The following DLG1 variants were observed in gnomAD, a reference collection of about 807,000 sequenced individuals.
DLG1 encodes disks large homolog 1.
In DLG1, 42 loss-of-function variants were observed where a neutral mutation model predicts 123.4. That is an observed-to-expected ratio of 0.34 (90% CI 0.27 to 0.44). The LOEUF (loss-of-function observed/expected upper bound fraction) is 0.44, where lower values mean the gene tolerates loss of function less well. Among genes scored for constraint, DLG1 ranks in the 20% least tolerant of loss-of-function variants. DLG1 has a pLI of 1.00. For missense variants in DLG1, 942 were observed against 1,082.6 expected, an observed-to-expected ratio of 0.87 and a Z score of 1.82; for synonymous variants, 317 against 356.2, an observed-to-expected ratio of 0.89 and a Z score of 1.24.
At chr3:197,135,318 G>A (rs948219036) in intron 10 of DLG1, among the ~76,000 whole-genome samples, 22 of 152,216 alleles carry the variant, frequency 1.4e-4, no homozygotes, top group African/African-American at 4.8e-4. Flanking sequence ...TGTAGGAGGT[G>A]ATTAGATCAC....
intron 5 of DLG1, among the ~76,000 whole-genome samples, chr3:197,178,485 T>C (rs1388043359): frequency 6.6e-6 from 1 of 152,150 alleles, no homozygotes; most frequent in East Asian, 1.9e-4. Flanking sequence ...GAAGTGGAGA[T>C]ACTGAGTAGA....
chr3:197,096,540 C>G (rs9861018), intron 14 of DLG1, among the ~76,000 whole-genome samples: 63,257 of 151,870 alleles, frequency 0.42, 13,727 homozygotes, highest in East Asian at 0.74. Context: ...ATTTTTCTCT[C>G]CTCTACATAA....
chr3:197,069,248 G>A lies in DLG1; in HGVS notation c.2018C>T (p.Ser673Phe), dbSNP rs749786841. 1 of 1,587,980 alleles carries A rather than the reference G, an allele frequency of 6.3e-7. No homozygotes were observed. Among genetic ancestry groups the A allele is most frequent in the African/African-American group, 1.4e-5 (1 of 73,704 alleles). The change falls in exon 19 of 25, where the codon TCT (serine) becomes TTT (phenylalanine). Residue 673 changes from serine to phenylalanine, a missense_variant. Physicochemically the swap from Ser to Phe is radical, Grantham distance 155. Coordinates refer to ENST00000667157, the MANE Select transcript of DLG1 (RefSeq NM_001366207.1). ...ETSDADQHVTSNASDSESSYR... is the reference protein window; with the variant it reads ...ETSDADQHVTFNASDSESSYR... ...ACTACTTTCACTATCGCTGGCATTA[G>A]AAGTTACATGCTCTGAAATTGCAGG... is the stretch of plus-strand genomic sequence containing the variant.
chr3:197,124,590 G>C (rs1778077832), intron 11 of DLG1, among the ~76,000 whole-genome samples: 1 of 151,304 alleles, frequency 6.6e-6, no homozygotes. Context: ...TTAAGAGATG[G>C]GTCTCATTAT....
chr3:197,170,946 T>C (rs1803886132), intron 5 of DLG1, among the ~76,000 whole-genome samples: 2 of 152,182 alleles, frequency 1.3e-5, no homozygotes, highest in Non-Finnish European at 2.9e-5. Context: ...ATGAGATATA[T>C]GAATTAGCAA....
chr3:197,064,193 TTA>T (rs1225238220), intron 22 of DLG1, among the ~76,000 whole-genome samples: 6 of 150,722 alleles, frequency 4.0e-5, no homozygotes, highest in African/African-American at 1.5e-4. Flanking sequence ...GTGCCTGGCC[TTA>T]TTTTTTTTTT....
chr3:197,297,357 T>A (rs1777941467), intron 1 of DLG1, 122 bp from the exon 2 acceptor site: 2 of 1,477,766 alleles, frequency 1.4e-6, no homozygotes, highest in Non-Finnish European at 1.8e-6. Flanking sequence ...TTTTACCAAG[T>A]CAAAGAAAGA....
chr3:197,188,262 C>T (rs148908733), intron 5 of DLG1, among the ~76,000 whole-genome samples: 2 of 152,290 alleles, frequency 1.3e-5, no homozygotes, highest in East Asian at 1.9e-4. Context: ...TAACGGCCTC[C>T]TCCTCTGACT....
chr3:197,291,316 C>CACACACACACACACA (rs1189643838), intron 3 of DLG1, among the ~76,000 whole-genome samples: 3 of 151,496 alleles, frequency 2.0e-5, no homozygotes, highest in African/African-American at 7.3e-5. Context: ...CACACACACA[C>CACACACACACACACA]ACACACACAC....
chr3:197,126,656 T>C (rs752681105), intron 11 of DLG1, among the ~76,000 whole-genome samples: 31 of 152,188 alleles, frequency 2.0e-4, no homozygotes, highest in Non-Finnish European at 3.7e-4. Context: ...AGAGGAAGTA[T>C]ATGTAAGAAT....
chr3:197,072,386 T>C (rs1202810418), intron 18 of DLG1, among the ~76,000 whole-genome samples: 2 of 129,168 alleles, frequency 1.5e-5, no homozygotes, highest in Non-Finnish European at 3.6e-5. Flanking sequence ...CATTATTTAC[T>C]TGTAATACAT....
intron 16 of DLG1, among the ~76,000 whole-genome samples, chr3:197,083,810 CAAAAACAA>C (rs919350152): frequency 6.6e-6 from 1 of 151,722 alleles, no homozygotes; most frequent in Non-Finnish European, 1.5e-5. Context: ...AAAACAAAAA[CAAAAACAA>C]AAACAAAAAA....
At chr3:197,067,763 G>T (rs1223012147) in intron 19 of DLG1, among the ~76,000 whole-genome samples, 1 of 152,040 alleles carries the variant, frequency 6.6e-6, no homozygotes, top group Non-Finnish European at 1.5e-5. Context: ...CTCCACGTTG[G>T]TCAGGCTGGT....
chr3:197,150,903 A>C (rs1183408297), intron 5 of DLG1, among the ~76,000 whole-genome samples: 6 of 152,108 alleles, frequency 3.9e-5, no homozygotes, highest in Non-Finnish European at 5.9e-5. Context: ...AGTAAGTTAA[A>C]AATGAGTAGC....
intron 13 of DLG1, among the ~76,000 whole-genome samples, chr3:197,106,693 A>G (rs574084043): frequency 6.1e-4 from 93 of 152,334 alleles, no homozygotes; most frequent in Non-Finnish European, 7.5e-4. Flanking sequence ...TTTTAAGAGC[A>G]TAATTTGTTG....
rs145689088 is a variant in DLG1, at chr3:197,206,754, A to C, written c.319-12165T>G. On this transcript the variant is annotated intron_variant, in intron 4 of 24. Coordinates refer to ENST00000667157, the MANE Select transcript of DLG1 (RefSeq NM_001366207.1). ...ACTATGAGATAAAAAAATTAGAAGG[A>C]CAAGGATAAAATTACCACAATTTAC... Among the ~76,000 whole-genome samples the C allele has an allele frequency of 4.8e-3, 727 of 152,350 alleles. 8 individuals are homozygous for C. The highest frequency in any genetic ancestry group is 0.017 in the African/African-American group (695 of 41,584).
intron 11 of DLG1, among the ~76,000 whole-genome samples, chr3:197,127,693 C>T (rs1315318456): frequency 1.3e-5 from 2 of 151,014 alleles, no homozygotes; most frequent in Non-Finnish European, 2.9e-5. Flanking sequence ...AAGTGCAGGC[C>T]ATGAACTAGC....
At chr3:197,195,597 G>A (rs1469780314) in intron 4 of DLG1, among the ~76,000 whole-genome samples, 1 of 152,128 alleles carries the variant, frequency 6.6e-6, no homozygotes, top group Non-Finnish European at 1.5e-5. Context: ...TACAACTGGA[G>A]GCCATTATTC....
chr3:197,080,935 T>G, intron 17 of DLG1, 116 bp downstream of exon 17: 2 of 891,018 alleles, frequency 2.2e-6, no homozygotes, highest in South Asian at 3.9e-5. Context: ...GTATCTACCA[T>G]TGTAAAGCAC....
Sources: allele counts gnomAD v4.1 joint callset (sites outside exome capture counted in the v4.1 genomes callset), GRCh38; gene constraint gnomAD v4.1.1; transcripts MANE v1.5; gene names NCBI Gene and HGNC (gene_info 2026-07-23, HGNC 2026-07-21).